ITGB4: variants seen among roughly 807,000 people sequenced by gnomAD.
ITGB4 encodes the protein integrin beta-4.
A neutral mutation model predicts 207.6 loss-of-function variants in ITGB4; 159 were observed. The observed-to-expected ratio is 0.77, with a 90% CI of 0.67 to 0.87. The LOEUF is 0.87. ITGB4 is among the 40% of genes least tolerant of loss of function. ITGB4 has a pLI of 0.00. For missense variants in ITGB4, 2,278 were observed against 2,546.8 expected (o/e 0.89, Z 2.27); for synonymous variants, 1,020 against 1,062.7 (o/e 0.96, Z 0.78).
chr17:75,746,139 A>G (rs1294220795), intron 26 of ITGB4: 1 of 152,214 alleles, frequency 6.6e-6, no homozygotes. Flanking sequence ...ACAGGGGCAC[A>G]GTCCTAGCTC....
chr17:75,740,920 C>T lies in ITGB4; in HGVS notation c.2610-62C>T. ...CCGGGACTCCAGGAGCCGAAGCCCC[C>T]AGGCCGATCAGGCCTCCACTTCAGG... On this transcript the variant is annotated intron_variant, in intron 22 of 39. Transcript: ENST00000200181. This position sits in a 1 kb window ranked among gnomAD's most constrained non-coding sequence, Gnocchi z 5.9. 1 of 1,613,522 alleles carries T rather than the reference C, an allele frequency of 6.2e-7. No individual in the cohort carries two copies. The highest frequency in any genetic ancestry group is 1.7e-5 in the Admixed American group (1 of 60,024).
intron 26 of ITGB4, among the ~76,000 whole-genome samples, chr17:75,745,712 C>G (rs1437797181): frequency 2.0e-5 from 3 of 151,854 alleles, no homozygotes; most frequent in African/African-American, 7.3e-5. Flanking sequence ...AACCCTGTCT[C>G]TACTAAAAAT....
At chr17:75,737,753 C>T in intron 18 of ITGB4, 109 bp downstream of exon 18, 1 of 928,586 alleles carries the variant, frequency 1.1e-6, no homozygotes, top group Non-Finnish European at 1.7e-6. Context: ...CTCATCTCCC[C>T]AGGGTCCCCA....
chr17:75,748,836 C>A lies in ITGB4; in HGVS notation c.3112-5C>A. 1 of 1,605,370 alleles carries A rather than the reference C, an allele frequency of 6.2e-7. No homozygotes were observed. Among genetic ancestry groups the A allele is most frequent in the Non-Finnish European group, 8.5e-7 (1 of 1,176,432 alleles). Reference sequence around the variant, plus strand: ...GACCCTGACCCTGACCCCCTCCACTCCCAGGACTACATCCCCGTGGAGGGT... The same window carrying A: ...GACCCTGACCCTGACCCCCTCCACTACCAGGACTACATCCCCGTGGAGGGT... On this transcript the variant is annotated splice_region_variant and splice_polypyrimidine_tract_variant and intron_variant, in intron 26 of 39. Coordinates refer to ENST00000200181, the MANE Select transcript of ITGB4 (RefSeq NM_000213.5).
chr17:75,727,523 T>C lies in ITGB4; in HGVS notation c.264+18T>C, dbSNP rs767333175. 2.2e-5 allele frequency: 36 copies of C among 1,611,574 alleles called. No homozygotes were observed. The East Asian group carries it at 6.0e-4, about 27-fold the overall frequency. On this transcript the variant is annotated intron_variant, in intron 4 of 39. Transcript: ENST00000200181. The surrounding 1 kb of genome is among the most constrained non-coding windows in gnomAD (Gnocchi z 6.0). Reference sequence around the variant, plus strand: ...TCACAGAGGTGCCTGGTGTGGGGACTGGGGTGGGGGCTCCCCATGCTCAGC... The same window carrying C: ...TCACAGAGGTGCCTGGTGTGGGGACCGGGGTGGGGGCTCCCCATGCTCAGC...
At chr17:75,741,885 G>A (rs2061119621) in intron 23 of ITGB4, among the ~76,000 whole-genome samples, 1 of 152,088 alleles carries the variant, frequency 6.6e-6, no homozygotes, top group Admixed American at 6.5e-5. Flanking sequence ...CTTTCCGTGT[G>A]TGGTCATCTT....
intron 13 of ITGB4, 144 bp downstream of exon 13, chr17:75,733,836 G>A: frequency 1.1e-6 from 1 of 922,882 alleles, no homozygotes; most frequent in Non-Finnish European, 1.7e-6. Flanking sequence ...TGGATGCCCT[G>A]AGGGCCGCCC....
At chr17:75,747,904 G>A (rs927176211) in intron 26 of ITGB4, among the ~76,000 whole-genome samples, 7 of 152,186 alleles carry the variant, frequency 4.6e-5, no homozygotes, top group Admixed American at 2.6e-4. Flanking sequence ...ACAACTATGG[G>A]TCTCACTTTC....
chr17:75,725,069 C>CA (rs2060691107), intron 2 of ITGB4, among the ~76,000 whole-genome samples: 1 of 152,172 alleles, frequency 6.6e-6, no homozygotes, highest in Non-Finnish European at 1.5e-5. Flanking sequence ...ACTGAGGCCC[C>CA]AGAGGTGTAG....
At position 75,723,711 on chromosome 17, in the gene ITGB4, C is replaced by T. The variant is rs571305958; in HGVS notation, c.-10-983C>T. ...CCCCAGACCCTGGGGTGGCCACTGC[C>T]CCAGAAGCCGGGCTGAGACAGGATT... On this transcript the variant is annotated intron_variant, in intron 1 of 39. Coordinates refer to ENST00000200181, the MANE Select transcript of ITGB4 (RefSeq NM_000213.5). 3.9e-5 allele frequency among the ~76,000 whole-genome samples: 6 copies of T among 152,368 alleles called. No individual in the cohort carries two copies. The East Asian group carries it at 1.2e-3, about 29-fold the overall frequency.
In ITGB4 at chr17:75,752,337, G is replaced by C; in HGVS notation, c.3957G>C (p.Gln1319His). 6.2e-7 allele frequency: 1 copy of C among 1,612,682 alleles called. No homozygotes were observed. Among genetic ancestry groups the C allele is most frequent in the African/African-American group, 1.3e-5 (1 of 75,064 alleles). The part of the protein sequence containing the change: ...EREAIINLAT[Q>H]PKRPMSIPII... Reference sequence around the variant, plus strand: ...AGGCCATCATCAACCTGGCCACCCAGCCCAAGAGGCCCATGTCCAGTGAGT... The same window carrying C: ...AGGCCATCATCAACCTGGCCACCCACCCCAAGAGGCCCATGTCCAGTGAGT... Residue 1319 changes from glutamine to histidine, a missense_variant, in exon 31 of 40, where the codon CAG (glutamine) becomes CAC (histidine). By Grantham distance (24) the Gln-to-His change is conservative (BLOSUM62 0). Coordinates refer to ENST00000200181, the MANE Select transcript of ITGB4 (RefSeq NM_000213.5).
At chr17:75,730,616 C>G in intron 8 of ITGB4, 112 bp downstream of exon 8, 1 of 1,129,560 alleles carries the variant, frequency 8.9e-7, no homozygotes, top group East Asian at 2.6e-5. Context: ...CTCCCTTCCT[C>G]CCTCCCTCTT....
Position 75,757,238 on chromosome 17 carries a change from C to T in ITGB4, c.5257C>T (p.Gln1753Ter), listed in dbSNP as rs2061536929. The change falls in exon 39 of 40, where the codon CAG becomes TAG. Residue 1753 changes from glutamine (Q) to a stop codon, truncating the protein, a stop_gained. Transcript: ENST00000200181. LOFTEE classifies it high-confidence loss of function. ...PQLGSRAGLF[Q>*]HPLQSEYSSI... ...GCTGGGCAGCCGTGCCGGGCTCTTC[C>T]AGCACCCGCTGCAAAGCGAGTACAG... is the stretch of plus-strand genomic sequence containing the variant. The T allele has an allele frequency of 1.9e-6, 3 of 1,611,992 alleles. No homozygotes were observed. The highest frequency in any genetic ancestry group is 1.6e-4 in the Middle Eastern group (1 of 6,062).
chr17:75,741,047 C>T (rs1179652784), intron 23 of ITGB4, 42 bp downstream of exon 23: 1 of 1,601,090 alleles, frequency 6.2e-7, no homozygotes. Context: ...CCACTTCCTG[C>T]CCGCCTGTCC....
chr17:75,745,862 G>C (rs1234572908), intron 26 of ITGB4, among the ~76,000 whole-genome samples: 1 of 152,028 alleles, frequency 6.6e-6, no homozygotes, highest in Non-Finnish European at 1.5e-5. Flanking sequence ...TTGAGCGACA[G>C]AGTGAGACTC....
intron 25 of ITGB4, among the ~76,000 whole-genome samples, chr17:75,743,043 G>T (rs772498214): frequency 6.6e-6 from 1 of 152,040 alleles, no homozygotes; most frequent in Non-Finnish European, 1.5e-5. Context: ...CTAGAAAAAG[G>T]GTTGGCCAAG....
Position 75,749,007 on chromosome 17 carries a change from G to C in ITGB4, c.3278G>C (p.Gly1093Ala). The C allele has an allele frequency of 6.2e-7, 1 of 1,612,548 alleles. No homozygotes were observed. The highest frequency in any genetic ancestry group is 8.5e-7 in the Non-Finnish European group (1 of 1,179,924). ...AACCCTAAGTTTGGGGCCCACCTGG[G>C]CCAGCCCCACTCCACCACCATCATC... ...LSNPKFGAHL[G>A]QPHSTTIIIR... The change falls in exon 27 of 40, where the codon GGC becomes GCC. Residue 1093 changes from glycine to alanine, a missense_variant. Physicochemically the swap from Gly to Ala is moderately conservative, Grantham distance 60. Transcript: ENST00000200181.
chr17:75,757,302 T>A lies in ITGB4; in HGVS notation c.5321T>A (p.Phe1774Tyr). The A allele has an allele frequency of 1.9e-6, 3 of 1,612,244 alleles. No homozygotes were observed. Among genetic ancestry groups the A allele is most frequent in the Non-Finnish European group, 2.5e-6 (3 of 1,179,958 alleles). ...TTTHTSATEP[F>Y]LVDGLTLGAQ... ...ACCCACACCAGCGCCACCGAGCCCT[T>A]CCTAGTGGGTGAGCACTGAGGGCTA... The change falls in exon 39 of 40, where the codon TTC becomes TAC. Residue 1774 changes from phenylalanine to tyrosine, a missense_variant. Transcript: ENST00000200181.
In ITGB4 at chr17:75,743,604, C is replaced by A. The variant is rs570556663; in HGVS notation, c.2963-109C>A. ...CCCAGAGGGCAATGCATAGAGGGAACCAAGCGGACTCCTGGATTCTGGGCT... is the reference window on the plus strand; with the variant it reads ...CCCAGAGGGCAATGCATAGAGGGAAACAAGCGGACTCCTGGATTCTGGGCT... On this transcript the variant is annotated intron_variant, in intron 25 of 39. Transcript: ENST00000200181. 17 of 1,477,476 alleles carry A rather than the reference C, an allele frequency of 1.2e-5. No homozygotes were observed. In the Admixed American group the frequency reaches 1.3e-4, roughly 12 times the overall value. The allele number at this position is 1,477,476 out of a possible 1,614,324, so 91.5% of individuals were successfully genotyped here.
Sources: allele counts gnomAD v4.1 joint callset (sites outside exome capture counted in the v4.1 genomes callset), GRCh38; gene constraint gnomAD v4.1.1; non-coding constraint Gnocchi (gnomAD v3.1); transcripts MANE v1.5; gene names NCBI Gene and HGNC (gene_info 2026-07-23, HGNC 2026-07-21).